Variants in DNAJB4 observed in about 807,000 individuals in gnomAD.
DNAJB4 encodes the protein dnaJ homolog subfamily B member 4.
In DNAJB4, 10 loss-of-function variants were observed where a neutral mutation model predicts 26.6. That is an observed-to-expected ratio of 0.38 (90% CI 0.23 to 0.64). The LOEUF is 0.64. DNAJB4 is among the 30% of genes least tolerant of loss of function. The pLI is 0.58. For missense variants in DNAJB4, 328 were observed against 408.2 expected, an observed-to-expected ratio of 0.80 and a Z score of 1.69; for synonymous variants, 136 against 134.8, an observed-to-expected ratio of 1.01 and a Z score of -0.06.
At chr1:77,984,076 CCTAATT>C (rs1659735620) in intron 1 of DNAJB4, among the ~76,000 whole-genome samples, 2 of 152,116 alleles carry the variant, frequency 1.3e-5, no homozygotes, top group Non-Finnish European at 2.9e-5. Context: ...CAAACTGAAA[CCTAATT>C]CAATGTAAAC....
At chr1:77,985,441 ATT>A (rs1023461984) in intron 1 of DNAJB4, among the ~76,000 whole-genome samples, 1 of 152,142 alleles carries the variant, frequency 6.6e-6, no homozygotes, top group Admixed American at 6.5e-5. Context: ...AAAGGAATTA[ATT>A]TTTTTATAAG....
chr1:77,991,243 G>A (rs1475456531), intron 1 of DNAJB4, among the ~76,000 whole-genome samples: 2 of 152,070 alleles, frequency 1.3e-5, no homozygotes, highest in African/African-American at 2.4e-5. Flanking sequence ...TAATGTTACC[G>A]TTGTTCAAAA....
chr1:78,014,261 C>T (rs1430966803), intron 2 of DNAJB4, among the ~76,000 whole-genome samples: 1 of 151,944 alleles, frequency 6.6e-6, no homozygotes, highest in Non-Finnish European at 1.5e-5. Context: ...GCGCCCCCCA[C>T]CACACCTGGC....
intron 1 of DNAJB4, among the ~76,000 whole-genome samples, chr1:77,993,358 A>G (rs572047864): frequency 1.3e-5 from 2 of 152,144 alleles, no homozygotes; most frequent in South Asian, 4.2e-4. Flanking sequence ...TCTGTCACCC[A>G]GGCTGGAGTG....
intron 1 of DNAJB4, among the ~76,000 whole-genome samples, chr1:77,986,433 G>A (rs1411141469): frequency 6.6e-6 from 1 of 152,108 alleles, no homozygotes; most frequent in Non-Finnish European, 1.5e-5. Context: ...GTTTCCTAAT[G>A]TACTTCTTCC....
rs184826147 is a variant in DNAJB4, at chr1:77,994,248, A to G, written c.-31-10832A>G. Reference sequence around the variant, plus strand: ...GAGACCCTATCTCTACAAAAGAAAAAATAGCTAGACATGGTGGCACATGCC... The same window carrying G: ...GAGACCCTATCTCTACAAAAGAAAAGATAGCTAGACATGGTGGCACATGCC... On this transcript the variant is annotated intron_variant, in intron 1 of 2. Coordinates refer to the DNAJB4 transcript ENST00000426517. 9.5e-4 allele frequency among the ~76,000 whole-genome samples: 145 copies of G among 152,116 alleles called. 1 individual carries two copies. The highest frequency in any genetic ancestry group is 3.4e-3 in the African/African-American group (142 of 41,510).
intron 1 of DNAJB4, among the ~76,000 whole-genome samples, chr1:77,983,379 G>A (rs547208887): frequency 6.6e-6 from 1 of 152,124 alleles, no homozygotes; most frequent in African/African-American, 2.4e-5. Flanking sequence ...CAAGAGGCAT[G>A]CCTTCCTCTT....
chr1:78,014,902 A>G (rs537399210), intron 2 of DNAJB4, among the ~76,000 whole-genome samples: 1 of 152,198 alleles, frequency 6.6e-6, no homozygotes, highest in Admixed American at 6.5e-5. Context: ...CACCTGGCCC[A>G]GTTTGCTCTA....
chr1:78,005,390 C>A, intron 1 of DNAJB4, 69 bp downstream of exon 1: 2 of 1,277,222 alleles, frequency 1.6e-6, no homozygotes, highest in East Asian at 2.5e-5. Context: ...CTCTCTCTGC[C>A]AGCCTTTTTC....
At chr1:77,992,678 G>C (rs1231798954) in intron 1 of DNAJB4, 1 of 152,078 alleles carries the variant, frequency 6.6e-6, no homozygotes, top group Non-Finnish European at 1.5e-5. Flanking sequence ...TCCAGGTTGA[G>C]AATCAGCGTA....
chr1:77,980,224 CA>C (rs999156069), exon 1 of DNAJB4: 1 of 151,992 alleles, frequency 6.6e-6, no homozygotes, highest in African/African-American at 2.4e-5. Flanking sequence ...GTTTCTTGAC[CA>C]AAATAGATTT....
At chr1:77,988,830 T>C (rs1397257544) in intron 1 of DNAJB4, among the ~76,000 whole-genome samples, 4 of 152,344 alleles carry the variant, frequency 2.6e-5, no homozygotes, top group African/African-American at 7.2e-5. Flanking sequence ...GTACAGAGAA[T>C]GAGGCAGGGA....
upstream of DNAJB4, chr1:78,004,454 T>TA (rs1232897765): frequency 6.6e-6 from 1 of 152,168 alleles, no homozygotes; most frequent in African/African-American, 2.4e-5. Flanking sequence ...ACCCCAGGAA[T>TA]TTTGAAGACG....
chr1:78,004,499 C>T (rs1273536455), upstream of DNAJB4: 2 of 152,042 alleles, frequency 1.3e-5, no homozygotes, highest in Admixed American at 6.6e-5. Context: ...TTTAAACAAC[C>T]TGCGTTTTGG....
At position 77,985,778 on chromosome 1, in the gene DNAJB4, C is replaced by T. The variant is rs141787029; in HGVS notation, c.-32+5456C>T. On this transcript the variant is annotated intron_variant, in intron 1 of 2. Transcript: ENST00000426517. ...CAATAATGCCTGGCATCTAGTAGGT[C>T]CTAATTAATCTATTCATTTATTCAA... 6.2e-3 allele frequency among the ~76,000 whole-genome samples: 941 copies of T among 151,964 alleles called. 10 individuals are homozygous for T. Among genetic ancestry groups the T allele is most frequent in the African/African-American group, 0.021 (885 of 41,448 alleles).
At chr1:77,994,229 C>G (rs951960267) in intron 1 of DNAJB4, among the ~76,000 whole-genome samples, 15 of 151,684 alleles carry the variant, frequency 9.9e-5, no homozygotes, top group Non-Finnish European at 1.2e-4. Context: ...TAGGGAGACC[C>G]TATCTCTACA....
chr1:77,998,805 A>T (rs1660124866), intron 1 of DNAJB4, among the ~76,000 whole-genome samples: 1 of 151,906 alleles, frequency 6.6e-6, no homozygotes, highest in Non-Finnish European at 1.5e-5. Context: ...GAGATCAGGA[A>T]CACAATCAGC....
chr1:78,013,680 G>A, intron 2 of DNAJB4, 61 bp downstream of exon 2: 3 of 1,282,878 alleles, frequency 2.3e-6, no homozygotes, highest in Non-Finnish European at 3.2e-6. Flanking sequence ...CATAGGGAGT[G>A]TATCTAGATA....
chr1:78,006,148 T>C (rs1432840033), intron 1 of DNAJB4, among the ~76,000 whole-genome samples: 1 of 152,224 alleles, frequency 6.6e-6, no homozygotes, highest in Admixed American at 6.5e-5. Context: ...TGCCATACTT[T>C]TGTTTTTTGC....
Sources: allele counts gnomAD v4.1 joint callset (sites outside exome capture counted in the v4.1 genomes callset), GRCh38; gene constraint gnomAD v4.1.1; transcripts MANE v1.5; gene names NCBI Gene and HGNC (gene_info 2026-07-23, HGNC 2026-07-21).